The following MTREX variants were observed in gnomAD, a reference collection of about 807,000 sequenced individuals.
The protein encoded by MTREX is exosome RNA helicase MTR4.
MTREX carries 76 observed loss-of-function variants against 135.4 expected under a neutral mutation model. That is an observed-to-expected ratio of 0.56 (90% CI 0.47 to 0.68). The LOEUF (loss-of-function observed/expected upper bound fraction) is 0.68, where lower values mean the gene tolerates loss of function less well. Ranked by LOEUF, MTREX falls within the 30% of genes least tolerant of loss-of-function variation. MTREX has a pLI of 0.00. For missense variants in MTREX, 920 were observed against 1,262.1 expected (o/e 0.73, Z 4.11); for synonymous variants, 404 against 401.6 (o/e 1.01, Z -0.07).
chr5:55,380,044 T>C (rs1203102631), intron 18 of MTREX, among the ~76,000 whole-genome samples: 2 of 152,168 alleles, frequency 1.3e-5, no homozygotes, highest in African/African-American at 2.4e-5. Flanking sequence ...CATGCCATTC[T>C]CCTGCCTCAG....
In MTREX at chr5:55,340,415, G is replaced by A. The variant is rs932407969; in HGVS notation, c.690+231G>A. On this transcript the variant is annotated intron_variant, in intron 6 of 26. Transcript: ENST00000230640. ...TGTCTCAGATACATTTTTTTCTTCAGGTATTTTTAAAGTTTATTTCTGTCA... is the reference window on the plus strand; with the variant it reads ...TGTCTCAGATACATTTTTTTCTTCAAGTATTTTTAAAGTTTATTTCTGTCA... Among the ~76,000 whole-genome samples the A allele has an allele frequency of 2.0e-5, 3 of 151,664 alleles. No homozygotes were observed. In the East Asian group the frequency reaches 5.8e-4, roughly 29 times the overall value.
intron 20 of MTREX, among the ~76,000 whole-genome samples, chr5:55,399,564 C>T (rs767247251): frequency 9.9e-5 from 15 of 152,082 alleles, no homozygotes; most frequent in East Asian, 1.9e-4. Flanking sequence ...CTCGGCTCAC[C>T]GCAAGCTCCA....
At chr5:55,328,994 T>C (rs1254652591) in intron 5 of MTREX, among the ~76,000 whole-genome samples, 183 bp downstream of exon 5, 3 of 152,218 alleles carry the variant, frequency 2.0e-5, no homozygotes, top group African/African-American at 7.2e-5. Context: ...GGACATTCTT[T>C]TCTTGTTCCT....
In MTREX at chr5:55,358,675, A is replaced by G. The variant is rs1348695500; in HGVS notation, c.1636A>G (p.Thr546Ala). Residue 546 changes from threonine to alanine, a missense_variant, in exon 15 of 27, where the codon ACA (threonine) becomes GCA (alanine). Physicochemically the swap from Thr to Ala is moderately conservative, Grantham distance 58 (BLOSUM62 0). Around this residue, in one of 6 missense-constraint regions of MTREX, gnomAD observed 467 missense variants for 589.7 expected, o/e 0.79. Transcript: ENST00000230640. ...TATGGTAGATGAAAAGATGAGCCCA[A>G]CAATTGGAAAACAATTACTTAAGGT... ...ILMVDEKMSP[T>A]IGKQLLKGSA... The G allele has an allele frequency of 8.1e-6, 13 of 1,597,356 alleles. No homozygotes were observed. In the South Asian group the frequency reaches 1.5e-4, roughly 18 times the overall value.
chr5:55,355,402 G>T (rs928021600), intron 14 of MTREX, among the ~76,000 whole-genome samples: 1 of 152,158 alleles, frequency 6.6e-6, no homozygotes, highest in African/African-American at 2.4e-5. Flanking sequence ...CCATTCCCCA[G>T]GTAGCAGCAG....
intron 16 of MTREX, among the ~76,000 whole-genome samples, chr5:55,375,316 AC>A (rs759579763): frequency 3.3e-5 from 5 of 151,992 alleles, no homozygotes; most frequent in Non-Finnish European, 7.4e-5. Context: ...GGTCTATTTC[AC>A]CCCGGCAGTC....
chr5:55,319,225 A>G (rs1749248562), intron 1 of MTREX, among the ~76,000 whole-genome samples: 1 of 152,230 alleles, frequency 6.6e-6, no homozygotes, highest in African/African-American at 2.4e-5. Context: ...TTAGGAAATT[A>G]TATATTGATA....
At chr5:55,349,529 A>G (rs1561193890) in intron 11 of MTREX, 44 bp from the exon 12 acceptor site, 1 of 1,027,092 alleles carries the variant, frequency 9.7e-7, no homozygotes, top group Non-Finnish European at 1.5e-6. Context: ...GTTTGGTATC[A>G]CTAACTCATT....
At chr5:55,417,077 A>G (rs1485602744) in intron 25 of MTREX, among the ~76,000 whole-genome samples, 1 of 152,196 alleles carries the variant, frequency 6.6e-6, no homozygotes. Flanking sequence ...ATGGGTTTTA[A>G]GGTTTTTAAT....
At chr5:55,331,352 G>GA (rs1217183214) in intron 5 of MTREX, among the ~76,000 whole-genome samples, 4 of 152,112 alleles carry the variant, frequency 2.6e-5, no homozygotes, top group African/African-American at 9.7e-5. Context: ...AAGTTACTTG[G>GA]AAAAAATATC....
intron 5 of MTREX, chr5:55,329,237 G>C (rs1413341081): frequency 6.5e-6 from 1 of 153,554 alleles, no homozygotes; most frequent in East Asian, 1.9e-4. Context: ...CGCAGTCATG[G>C]CTCACTGCAG....
intron 19 of MTREX, 78 bp from the exon 20 acceptor site, chr5:55,397,338 G>T: frequency 1.2e-6 from 1 of 843,936 alleles, no homozygotes; most frequent in Non-Finnish European, 1.9e-6. Flanking sequence ...TTCCTCTTTA[G>T]GGATCCAAGT....
At chr5:55,359,398 A>G (rs1420359563) in intron 15 of MTREX, among the ~76,000 whole-genome samples, 1 of 152,204 alleles carries the variant, frequency 6.6e-6, no homozygotes, top group East Asian at 1.9e-4. Flanking sequence ...TAGCTACTTC[A>G]AAACATGTTA....
chr5:55,378,272 G>A (rs1750338484), intron 16 of MTREX, 42 bp from the exon 17 acceptor site: 1 of 1,517,500 alleles, frequency 6.6e-7, no homozygotes, highest in Non-Finnish European at 8.8e-7. Context: ...ATTTAAATAA[G>A]ATGTATAACC....
At chr5:55,362,837 T>C (rs945369450) in intron 15 of MTREX, among the ~76,000 whole-genome samples, 1 of 152,228 alleles carries the variant, frequency 6.6e-6, no homozygotes, top group Non-Finnish European at 1.5e-5. Context: ...TTAGGTATTA[T>C]ATTTTTCCAG....
intron 16 of MTREX, among the ~76,000 whole-genome samples, chr5:55,376,333 A>G (rs1579879534): frequency 6.6e-6 from 1 of 152,272 alleles, no homozygotes; most frequent in Non-Finnish European, 1.5e-5. Context: ...GCGACGTTCA[A>G]GACTCATTAC....
Position 55,308,136 on chromosome 5 carries a change from A to G in MTREX, c.123A>G (p.Ala41=). The change falls in exon 1 of 27, where the codon GCA becomes GCG. Residue 41 remains alanine (A), a synonymous_variant. Transcript: ENST00000230640. ...KGKWKGPPGS[A]DKAGKRFDGK... ...AATGGAAGGGGCCTCCAGGGTCTGC[A>G]GACAAGGCAGGGTAAGGAAGAAGTT... 6.2e-7 allele frequency: 1 copy of G among 1,604,912 alleles called. No individual in the cohort carries two copies. The highest frequency in any genetic ancestry group is 8.5e-7 in the Non-Finnish European group (1 of 1,176,566).
At chr5:55,330,845 C>A (rs1749464389) in intron 5 of MTREX, among the ~76,000 whole-genome samples, 1 of 152,034 alleles carries the variant, frequency 6.6e-6, no homozygotes, top group Non-Finnish European at 1.5e-5. Flanking sequence ...TTGTTCACAG[C>A]CCACTGAAGC....
intron 16 of MTREX, among the ~76,000 whole-genome samples, chr5:55,368,773 A>G (rs1750146919): frequency 6.6e-6 from 1 of 151,816 alleles, no homozygotes; most frequent in African/African-American, 2.4e-5. Flanking sequence ...CCATTAATAA[A>G]GTGATGAGAA....
Sources: gnomAD v4.1 joint callset for allele counts (sites outside exome capture counted in the v4.1 genomes callset) on GRCh38, gnomAD v4.1.1 for gene constraint, gnomAD v4.1.1 regional missense constraint, MANE v1.5 for transcripts, NCBI Gene and HGNC (gene_info 2026-07-23, HGNC 2026-07-21) for gene names.